The following SLC37A1 variants were observed in gnomAD, a reference collection of about 807,000 sequenced individuals.
SLC37A1 encodes solute carrier family 37 member 1.
In SLC37A1, 49 loss-of-function variants were observed where a neutral mutation model predicts 75.3. The observed-to-expected ratio is 0.65, with a 90% CI of 0.52 to 0.83. SLC37A1 has a LOEUF of 0.83. Among genes scored for constraint, SLC37A1 ranks in the 40% least tolerant of loss-of-function variants. The probability of loss-of-function intolerance (pLI) is 0.00; values close to 1 mark genes in which losing one functional copy is unlikely to be tolerated. For synonymous variants in SLC37A1, 268 were observed against 292.1 expected, an observed-to-expected ratio of 0.92 and a Z score of 0.84; for missense variants, 566 against 695.0, an observed-to-expected ratio of 0.81 and a Z score of 2.09.
At chr21:42,573,856 A>C (rs1483568735) in intron 17 of SLC37A1, among the ~76,000 whole-genome samples, 1 of 152,110 alleles carries the variant, frequency 6.6e-6, no homozygotes, top group Non-Finnish European at 1.5e-5. Context: ...CAGATGCTAC[A>C]AAACACATTC....
chr21:42,500,108 A>G (rs2054327565), intron 1 of SLC37A1, among the ~76,000 whole-genome samples: 1 of 150,222 alleles, frequency 6.7e-6, no homozygotes, highest in Non-Finnish European at 1.5e-5. Context: ...ATGCAAACAG[A>G]TTTTTTTTTT....
chr21:42,564,596 A>G, intron 13 of SLC37A1, 112 bp from the exon 14 acceptor site: 1 of 805,270 alleles, frequency 1.2e-6, no homozygotes, highest in Non-Finnish European at 2.1e-6. Flanking sequence ...ATGCATGGAG[A>G]GAGGGGCTTG....
At chr21:42,539,780 C>A in intron 6 of SLC37A1, 133 bp downstream of exon 6, 1 of 848,170 alleles carries the variant, frequency 1.2e-6, no homozygotes. Flanking sequence ...TCAGGGTCAG[C>A]TGACGTAACA....
intron 9 of SLC37A1, among the ~76,000 whole-genome samples, chr21:42,550,351 T>G (rs925155865): frequency 6.6e-5 from 10 of 152,218 alleles, no homozygotes; most frequent in Admixed American, 1.3e-4. Flanking sequence ...TAGAAAACTT[T>G]GAATAAATGG....
At chr21:42,568,302 T>G in intron 16 of SLC37A1, 58 bp from the exon 17 acceptor site, 1 of 1,391,892 alleles carries the variant, frequency 7.2e-7, no homozygotes, top group Non-Finnish European at 1.0e-6. Flanking sequence ...ATACAGAGGC[T>G]TAGGTTTACT....
intron 5 of SLC37A1, among the ~76,000 whole-genome samples, chr21:42,537,137 G>A (rs2146852935): frequency 1.3e-5 from 2 of 152,350 alleles, no homozygotes; most frequent in South Asian, 4.1e-4. Context: ...CAGGCAGGCA[G>A]TGTCTGCTGT....
At chr21:42,509,098 C>T (rs1026298058), upstream of SLC37A1, 2 of 152,176 alleles carry the variant, frequency 1.3e-5, no homozygotes, top group African/African-American at 4.8e-5. The surrounding 1 kb of genome is among the most constrained non-coding windows in gnomAD (Gnocchi z 4.2). Flanking sequence ...AGGTATATAA[C>T]AACAAACAGT....
upstream of SLC37A1, among the ~76,000 whole-genome samples, chr21:42,513,705 G>T (rs1420283846): frequency 1.3e-5 from 2 of 149,766 alleles, no homozygotes; most frequent in Non-Finnish European, 3.0e-5. Flanking sequence ...GTGGCCCCGG[G>T]GCTGGTGCGA....
intron 6 of SLC37A1, among the ~76,000 whole-genome samples, chr21:42,541,233 G>T (rs1258731580): frequency 6.6e-6 from 1 of 152,208 alleles, no homozygotes; most frequent in Non-Finnish European, 1.5e-5. Context: ...AGCTCAGGCG[G>T]CAATGCTTGC....
intron 3 of SLC37A1, among the ~76,000 whole-genome samples, chr21:42,526,247 C>T (rs1168643618): frequency 2.6e-5 from 4 of 152,122 alleles, no homozygotes; most frequent in Admixed American, 6.5e-5. Context: ...GTTCTTGGAA[C>T]GCTGCATTTT....
chr21:42,518,093 A>G lies in SLC37A1; in HGVS notation c.-178-184A>G, dbSNP rs140043587. Among the ~76,000 whole-genome samples, 1,032 of 152,324 alleles carry G rather than the reference A, an allele frequency of 6.8e-3. 8 individuals are homozygous for G. Among genetic ancestry groups the G allele is most frequent in the Non-Finnish European group, 0.012 (828 of 68,024 alleles). On this transcript the variant is annotated intron_variant, in intron 1 of 19. Coordinates refer to ENST00000352133, the MANE Select transcript of SLC37A1 (RefSeq NM_001320537.2). The stretch of plus-strand genomic sequence containing the variant: ...TCAGAACAAACCGCCTCAAGGGTAG[A>G]TACTCCACCTCACTCCCCCTCTTCC...
intron 2 of SLC37A1, among the ~76,000 whole-genome samples, chr21:42,518,924 G>A (rs575357787): frequency 1.1e-3 from 169 of 152,222 alleles, no homozygotes; most frequent in Non-Finnish European, 2.3e-3. Flanking sequence ...AAATGTTCTG[G>A]TGCAGCCCAG....
intron 10 of SLC37A1, 47 bp from the exon 11 acceptor site, chr21:42,558,911 C>G: frequency 6.2e-7 from 1 of 1,611,288 alleles, no homozygotes; most frequent in Non-Finnish European, 8.5e-7. Context: ...CCAGACTGCC[C>G]GGCTGGTAAC....
chr21:42,530,673 A>C (rs2054944578), intron 3 of SLC37A1, among the ~76,000 whole-genome samples: 1 of 135,138 alleles, frequency 7.4e-6, no homozygotes. Flanking sequence ...GTGTTGGCTG[A>C]AGGTGGAGTG....
At chr21:42,578,974 C>T (rs1162226462) in intron 18 of SLC37A1, among the ~76,000 whole-genome samples, 3 of 152,184 alleles carry the variant, frequency 2.0e-5, no homozygotes, top group Non-Finnish European at 4.4e-5. Context: ...CCTCTAAGAA[C>T]GAGGGGCCAC....
rs17115134 is a variant in SLC37A1 at position 42,564,769 on chromosome 21, G to C, written c.1197G>C (p.Leu399=). The change falls in exon 14 of 20, where the codon CTG becomes CTC. Residue 399 remains leucine (L), a synonymous_variant. Transcript: ENST00000352133. The stretch of plus-strand genomic sequence containing the variant: ...AGAAAAGGGCCTCCACCTGCGGCCT[G>C]ATGCTGCTGCTCGCGGCCCCCACGG... ...RLEKRASTCG[L]MLLLAAPTLY... 2.0e-3 allele frequency: 3,292 copies of C among 1,608,006 alleles called. 61 individuals carry two copies. In the African/African-American group the frequency reaches 0.037, roughly 18 times the overall value.
rs1555882111 is a variant in SLC37A1, at chr21:42,530,654, A to ACCCCCC, written c.139-4039_139-4038insCCCCCC. Among the ~76,000 whole-genome samples the ACCCCCC allele has an allele frequency of 2.9e-3, 103 of 35,882 alleles. 2 individuals carry two copies. The highest frequency in any genetic ancestry group is 3.5e-3 in the Non-Finnish European group (67 of 19,100). The allele number at this position is 35,882 out of a possible 152,430, so 23.5% of individuals were successfully genotyped here. ...CACACACACACACACACACACACAC[A>ACCCCCC]CCCCCTCTGTGTTGGCTGAAGGTGG... On this transcript the variant is annotated intron_variant, in intron 3 of 19. Transcript: ENST00000352133.
chr21:42,554,502 G>A (rs369779089), intron 10 of SLC37A1, among the ~76,000 whole-genome samples: 7 of 152,306 alleles, frequency 4.6e-5, no homozygotes, highest in East Asian at 3.9e-4. Flanking sequence ...AGCTGGCCTT[G>A]GGAGGCTTCC....
chr21:42,503,786 G>C (rs975269686), intron 2 of SLC37A1, among the ~76,000 whole-genome samples: 4 of 152,184 alleles, frequency 2.6e-5, no homozygotes, highest in Admixed American at 1.3e-4. Context: ...ACAGTTATCG[G>C]AAGAGCTAAA....
Sources: gnomAD v4.1 joint callset for allele counts (sites outside exome capture counted in the v4.1 genomes callset) on GRCh38, gnomAD v4.1.1 for gene constraint, Gnocchi (gnomAD v3.1) non-coding constraint, MANE v1.5 for transcripts, NCBI Gene and HGNC (gene_info 2026-07-23, HGNC 2026-07-21) for gene names.